Variants in ANKMY1 observed in about 807,000 individuals in gnomAD.
The protein encoded by ANKMY1 is ankyrin repeat and MYND domain containing 1, also known as ankyrin repeat and MYND domain-containing protein 1.
A neutral mutation model predicts 102.0 loss-of-function variants in ANKMY1; 98 were observed. That is an observed-to-expected ratio of 0.96 (90% confidence interval 0.82 to 1.14). The LOEUF (loss-of-function observed/expected upper bound fraction) is 1.14. Among genes scored for constraint, ANKMY1 ranks in the 50% most tolerant of loss-of-function variants. The probability of loss-of-function intolerance (pLI) is 0.00; values close to 1 mark genes in which losing one functional copy is unlikely to be tolerated. For synonymous variants in ANKMY1, 582 were observed against 559.9 expected (o/e 1.04, Z -0.56); for missense variants, 1,330 against 1,347.6 (o/e 0.99, Z 0.20).
At chr2:240,472,612 G>C in the ANKMY1 span, among the ~76,000 whole-genome samples, 250 of 152,302 alleles carry the variant, frequency 1.6e-3, 1 homozygote, top group African/African-American at 5.5e-3. Flanking sequence ...GACCAGACAT[G>C]TTCAATGCCT....
intron 17 of ANKMY1, among the ~76,000 whole-genome samples, chr2:240,480,541 C>T (rs2075261363): frequency 6.6e-6 from 1 of 152,176 alleles, no homozygotes; most frequent in South Asian, 2.1e-4. Flanking sequence ...GCCCCAAGGC[C>T]AACTGCCCTG....
intron 4 of ANKMY1, among the ~76,000 whole-genome samples, chr2:240,552,207 G>A (rs1302680000): frequency 6.6e-6 from 1 of 152,206 alleles, no homozygotes. Context: ...TCTCAGTGAT[G>A]GGCTTTCTGT....
At chr2:240,494,963 C>A (rs993109756) in intron 15 of ANKMY1, among the ~76,000 whole-genome samples, 2 of 152,036 alleles carry the variant, frequency 1.3e-5, no homozygotes, top group African/African-American at 4.8e-5. Context: ...TTAATCATTA[C>A]TTGGTAGTAA....
At chr2:240,476,389 T>G (rs1441383256), downstream of ANKMY1, among the ~76,000 whole-genome samples, 1 of 152,252 alleles carries the variant, frequency 6.6e-6, no homozygotes, top group South Asian at 2.1e-4. Flanking sequence ...CAGAAAACTC[T>G]GCTCAAAAGA....
At chr2:240,533,718 AACACAC>A (rs34916770) in intron 4 of ANKMY1, among the ~76,000 whole-genome samples, 26,320 of 145,522 alleles carry the variant, frequency 0.18, 2,540 homozygotes, top group Middle Eastern at 0.36. Context: ...GATTTCAATA[AACACAC>A]ACACACACAC....
Position 240,480,998 on chromosome 2 carries a change from G to A in ANKMY1, c.2985C>T (p.Tyr995=). Residue 995 remains tyrosine (Y), a synonymous_variant, in exon 17 of 18, where the codon TAC becomes TAT. Transcript: ENST00000401804. ...ACTCGGTCCAGGCCTTGGTCTTGCA[G>A]TACTTGCTGCAGGTCAGGATCCCGT... The part of the protein sequence containing the change: ...RCYGILTCSK[Y]CKTKAWTEFH... 1 of 1,613,990 alleles carries A rather than the reference G, an allele frequency of 6.2e-7. No individual in the cohort carries two copies. The highest frequency in any genetic ancestry group is 8.5e-7 in the Non-Finnish European group (1 of 1,179,874).
At chr2:240,526,966 A>T in intron 5 of ANKMY1, 1 of 1,041,358 alleles carries the variant, frequency 9.6e-7, no homozygotes, top group Non-Finnish European at 1.2e-6. Flanking sequence ...TGCATTATAG[A>T]TGCTTCTGTA....
intron 9 of ANKMY1, among the ~76,000 whole-genome samples, chr2:240,517,204 A>C (rs1575094813): frequency 1.3e-5 from 2 of 152,364 alleles, no homozygotes; most frequent in Admixed American, 1.3e-4. Flanking sequence ...TTTCAGAATA[A>C]GCAGATTGCT....
At chr2:240,560,407 C>G (rs1396280457), upstream of ANKMY1, 4 of 326,648 alleles carry the variant, frequency 1.2e-5, no homozygotes, top group Non-Finnish European at 2.1e-5. Flanking sequence ...GGACGGCGCC[C>G]GGGGACAGAG....
chr2:240,520,145 A>C lies in ANKMY1; in HGVS notation c.2004+217T>G. On this transcript the variant is annotated intron_variant, in intron 9 of 17. Coordinates refer to ENST00000401804, the MANE Select transcript of ANKMY1 (RefSeq NM_001282771.3). This position sits in a 1 kb window ranked among gnomAD's most constrained non-coding sequence, Gnocchi z 4.8. ...AATCACACGGATCGTGAAGTACTCT[A>C]AAAACTAGCTCGGTGTCCAAATCCT... 1.3e-6 allele frequency: 1 copy of C among 792,332 alleles called. No homozygotes were observed. Among genetic ancestry groups the C allele is most frequent in the Non-Finnish European group, 2.2e-6 (1 of 457,454 alleles). The allele number at this position is 792,332 out of a possible 1,614,324, so 49.1% of individuals were successfully genotyped here. A position where few individuals can be genotyped will look rare whatever the true frequency, so the allele number is the denominator to read the frequency against.
At chr2:240,513,442 G>T (rs1251880899) in intron 9 of ANKMY1, among the ~76,000 whole-genome samples, 1 of 152,258 alleles carries the variant, frequency 6.6e-6, no homozygotes, top group Non-Finnish European at 1.5e-5. Context: ...GCCTCTGGAG[G>T]CAGCCCTGCC....
In ANKMY1 at chr2:240,520,163, C is replaced by A; in HGVS notation, c.2004+199G>T. The A allele has an allele frequency of 1.2e-6, 1 of 865,958 alleles. No homozygotes were observed. Among genetic ancestry groups the A allele is most frequent in the Middle Eastern group, 2.1e-4 (1 of 4,652 alleles). 53.6% of individuals were successfully genotyped at this position (865,958 alleles called of 1,614,324 possible). A position where few individuals can be genotyped will look rare whatever the true frequency, so the allele number is the denominator to read the frequency against. On this transcript the variant is annotated intron_variant, in intron 9 of 17. Transcript: ENST00000401804. The surrounding 1 kb of genome is among the most constrained non-coding windows in gnomAD (Gnocchi z 4.8). ...GTACTCTAAAAACTAGCTCGGTGTCCAAATCCTGTCTGGGGACATGGGTGA... is the reference window on the plus strand; with the variant it reads ...GTACTCTAAAAACTAGCTCGGTGTCAAAATCCTGTCTGGGGACATGGGTGA...
intron 4 of ANKMY1, chr2:240,552,669 C>A: frequency 1.9e-6 from 1 of 531,012 alleles, no homozygotes. Flanking sequence ...AAAATAAACA[C>A]GTGCGTTTCT....
intron 15 of ANKMY1, among the ~76,000 whole-genome samples, chr2:240,487,974 T>G (rs2076243848): frequency 6.6e-6 from 1 of 152,208 alleles, no homozygotes; most frequent in Non-Finnish European, 1.5e-5. Context: ...AACTCTTTAG[T>G]TTTATTAAAT....
In ANKMY1 at chr2:240,529,566, A is replaced by T; in HGVS notation, c.481-57T>A. 1 of 1,457,204 alleles carries T rather than the reference A, an allele frequency of 6.9e-7. No individual in the cohort carries two copies. Among genetic ancestry groups the T allele is most frequent in the Non-Finnish European group, 9.2e-7 (1 of 1,085,090 alleles). 90.3% of individuals were successfully genotyped at this position (1,457,204 alleles called of 1,614,324 possible). ...ATAACGCGACCCAGCTGCACATGTG[A>T]TCATGTTTGTAACGTCAAAAGAAAT... On this transcript the variant is annotated intron_variant, in intron 4 of 17. Coordinates refer to ENST00000401804, the MANE Select transcript of ANKMY1 (RefSeq NM_001282771.3). The surrounding 1 kb of genome is among the most constrained non-coding windows in gnomAD (Gnocchi z 4.2).
chr2:240,548,425 C>T (rs1344188721), intron 4 of ANKMY1, among the ~76,000 whole-genome samples: 1 of 152,170 alleles, frequency 6.6e-6, no homozygotes, highest in Non-Finnish European at 1.5e-5. Flanking sequence ...TGGGCAAAAA[C>T]TGGAAGCATT....
intron 5 of ANKMY1, among the ~76,000 whole-genome samples, chr2:240,528,099 C>A (rs1352714240): frequency 1.3e-5 from 2 of 152,060 alleles, no homozygotes; most frequent in African/African-American, 4.8e-5. Context: ...CCAGCCTGGC[C>A]AATATGGTGA....
At chr2:240,507,457 T>TC in intron 13 of ANKMY1, 103 bp downstream of exon 13, 1 of 956,710 alleles carries the variant, frequency 1.0e-6, no homozygotes, top group Non-Finnish European at 1.3e-6. Context: ...CCCACTCCCC[T>TC]CCCCGCTCAT....
chr2:240,500,342 C>T (rs1356702094), intron 14 of ANKMY1, 110 bp downstream of exon 14: 9 of 1,275,426 alleles, frequency 7.1e-6, no homozygotes, highest in East Asian at 4.7e-5. Context: ...CTGGGGGCGG[C>T]GCTAGGAACC....
Sources: allele counts gnomAD v4.1 joint callset (sites outside exome capture counted in the v4.1 genomes callset), GRCh38; gene constraint gnomAD v4.1.1; non-coding constraint Gnocchi (gnomAD v3.1); transcripts MANE v1.5; gene names NCBI Gene and HGNC (gene_info 2026-07-23, HGNC 2026-07-21).